Variants in KCNQ5 observed in about 807,000 individuals in gnomAD.
KCNQ5 encodes the protein potassium voltage-gated channel subfamily Q member 5.
A neutral mutation model predicts 98.2 loss-of-function variants in KCNQ5; 30 were observed. The observed-to-expected ratio is 0.31, with a 90% CI of 0.23 to 0.41. The LOEUF (loss-of-function observed/expected upper bound fraction) is 0.41. KCNQ5 is among the 10% of genes least tolerant of loss of function. The probability of loss-of-function intolerance (pLI) is 1.00; values close to 1 mark genes in which losing one functional copy is unlikely to be tolerated. For missense variants in KCNQ5, 835 were observed against 1,182.5 expected (o/e 0.71, Z 4.31); for synonymous variants, 458 against 449.4 (o/e 1.02, Z -0.24).
In KCNQ5 at chr6:72,869,559, G is replaced by A. The variant is rs573054158; in HGVS notation, c.399-134349G>A. Among the ~76,000 whole-genome samples the A allele has an allele frequency of 7.9e-5, 12 of 152,100 alleles. No homozygotes were observed. The South Asian group carries it at 1.7e-3, about 21-fold the overall frequency. ...TGTCTTTTCCCCTGTAGGCTTCCTC[G>A]CTCATCTTTGACAAGCATCGCCTTT... On this transcript the variant is annotated intron_variant, in intron 1 of 13. Transcript: ENST00000370398.
chr6:72,813,643 T>C (rs1362838333), intron 1 of KCNQ5, among the ~76,000 whole-genome samples: 1 of 152,200 alleles, frequency 6.6e-6, no homozygotes, highest in East Asian at 1.9e-4. Context: ...GGGACTGGTT[T>C]CAGGACCCCT....
chr6:72,789,911 A>C (rs1475795848), intron 1 of KCNQ5, among the ~76,000 whole-genome samples: 1 of 152,218 alleles, frequency 6.6e-6, no homozygotes, highest in Non-Finnish European at 1.5e-5. Context: ...AGTGGTGAAC[A>C]AAATGCACTT....
intron 1 of KCNQ5, among the ~76,000 whole-genome samples, chr6:72,695,634 ATAT>A (rs1455619825): frequency 6.6e-6 from 1 of 152,138 alleles, no homozygotes; most frequent in African/African-American, 2.4e-5. Flanking sequence ...ATAATATATA[ATAT>A]TACGTATATT....
At chr6:72,864,845 T>C (rs1777915660) in intron 1 of KCNQ5, among the ~76,000 whole-genome samples, 1 of 152,238 alleles carries the variant, frequency 6.6e-6, no homozygotes. Flanking sequence ...ATTTTAGTTT[T>C]GATTGTTTTT....
At chr6:72,941,304 CCT>C (rs1766221909) in intron 1 of KCNQ5, among the ~76,000 whole-genome samples, 1 of 66,782 alleles carries the variant, frequency 1.5e-5, no homozygotes, top group South Asian at 8.2e-4. Flanking sequence ...TGCTCATCTT[CCT>C]TCCTTCCTTC....
intron 5 of KCNQ5, among the ~76,000 whole-genome samples, chr6:73,090,633 A>G (rs1014339939): frequency 1.3e-5 from 2 of 152,196 alleles, no homozygotes; most frequent in African/African-American, 4.8e-5. Flanking sequence ...ACATATGGCT[A>G]GCCAATTATC....
chr6:72,669,982 T>C (rs574537485), intron 1 of KCNQ5, among the ~76,000 whole-genome samples: 1 of 151,584 alleles, frequency 6.6e-6, no homozygotes, highest in East Asian at 1.9e-4. Flanking sequence ...TCCTTTATAC[T>C]TAACAGTTCC....
At chr6:73,086,165 T>C (rs1773981842) in intron 5 of KCNQ5, among the ~76,000 whole-genome samples, 1 of 152,008 alleles carries the variant, frequency 6.6e-6, no homozygotes, top group Non-Finnish European at 1.5e-5. Context: ...ATTGAATGAG[T>C]TCTTCCAACC....
chr6:72,641,805 C>T (rs2098927338), intron 1 of KCNQ5, among the ~76,000 whole-genome samples: 1 of 151,952 alleles, frequency 6.6e-6, no homozygotes, highest in Non-Finnish European at 1.5e-5. Flanking sequence ...GGGTCATGTA[C>T]GTGCACTGAG....
chr6:72,881,614 TAA>T (rs946557927), intron 1 of KCNQ5, among the ~76,000 whole-genome samples: 1 of 152,224 alleles, frequency 6.6e-6, no homozygotes, highest in African/African-American at 2.4e-5. Flanking sequence ...AGCAGAATTT[TAA>T]AAGTGTTACA....
At chr6:73,158,691 A>G (rs1562212432) in intron 10 of KCNQ5, among the ~76,000 whole-genome samples, 1 of 152,182 alleles carries the variant, frequency 6.6e-6, no homozygotes, top group Non-Finnish European at 1.5e-5. Flanking sequence ...AGTATAAATA[A>G]TTTATAATCT....
intron 1 of KCNQ5, among the ~76,000 whole-genome samples, chr6:72,809,099 G>A (rs1775102556): frequency 6.6e-6 from 1 of 151,600 alleles, no homozygotes; most frequent in South Asian, 2.1e-4. Flanking sequence ...GTAGGGACAT[G>A]GATGAAACTG....
At chr6:73,066,397 C>A (rs775931778) in intron 3 of KCNQ5, among the ~76,000 whole-genome samples, 33 of 152,080 alleles carry the variant, frequency 2.2e-4, no homozygotes, top group Non-Finnish European at 4.4e-4. Context: ...TCAGCCTACC[C>A]CAGGAGAACA....
chr6:72,780,632 G>A (rs1477469816), intron 1 of KCNQ5, among the ~76,000 whole-genome samples: 1 of 152,178 alleles, frequency 6.6e-6, no homozygotes, highest in African/African-American at 2.4e-5. Flanking sequence ...GTTGGGTGAG[G>A]AGTGGAAGAC....
Position 73,105,143 on chromosome 6 carries a change from C to T in KCNQ5, c.919-114C>T, listed in dbSNP as rs113091618. On this transcript the variant is annotated intron_variant, in intron 5 of 13. Transcript: ENST00000370398. ...AATTAAAGCACAGTAATAAAAAGCA[C>T]GAACAAGATTTGTTGAATAATGATT... 1.7e-3 allele frequency: 954 copies of T among 561,756 alleles called. 8 individuals are homozygous for T. Among genetic ancestry groups the T allele is most frequent in the African/African-American group, 0.017 (889 of 52,642 alleles). 34.8% of individuals were successfully genotyped at this position (561,756 alleles called of 1,614,324 possible).
At chr6:72,636,207 A>T (rs1292137987) in intron 1 of KCNQ5, among the ~76,000 whole-genome samples, 1 of 152,198 alleles carries the variant, frequency 6.6e-6, no homozygotes, top group East Asian at 1.9e-4. Flanking sequence ...ACAATAAAGA[A>T]GTCCAAATAT....
chr6:72,829,593 G>A (rs1418027861), intron 1 of KCNQ5, among the ~76,000 whole-genome samples: 1 of 152,162 alleles, frequency 6.6e-6, no homozygotes, highest in African/African-American at 2.4e-5. Flanking sequence ...TCTCGAAGAT[G>A]TTTTACACTC....
intron 11 of KCNQ5, among the ~76,000 whole-genome samples, chr6:73,185,355 A>T (rs1778534750): frequency 6.6e-6 from 1 of 152,002 alleles, no homozygotes; most frequent in Non-Finnish European, 1.5e-5. Context: ...TTAATTTTTT[A>T]TTCTTTGTAG....
rs551503692 is a variant in KCNQ5 at position 73,090,664 on chromosome 6, G to A, written c.918+12777G>A. On this transcript the variant is annotated intron_variant, in intron 5 of 13. Transcript: ENST00000370398. ...TTATCCCAGCACCATTTGTTGAAAA[G>A]GGTGTCCTTCGCTTCTCAAAAGAAG... is the stretch of plus-strand genomic sequence containing the variant. Among the ~76,000 whole-genome samples the A allele has an allele frequency of 9.2e-5, 14 of 152,100 alleles. 1 individual carries two copies. The South Asian group carries it at 1.5e-3, about 16-fold the overall frequency.
Sources: gnomAD v4.1 joint callset for allele counts (sites outside exome capture counted in the v4.1 genomes callset) on GRCh38, gnomAD v4.1.1 for gene constraint, MANE v1.5 for transcripts, NCBI Gene and HGNC (gene_info 2026-07-23, HGNC 2026-07-21) for gene names.